THSD7B: variants seen among roughly 807,000 people sequenced by gnomAD.
THSD7B encodes thrombospondin type-1 domain-containing protein 7B.
Under a neutral mutation model 213.6 loss-of-function variants are expected in THSD7B, and 138 were observed. The observed-to-expected ratio is 0.65, with a 90% CI of 0.56 to 0.74. THSD7B has a LOEUF of 0.74. THSD7B is among the 30% of genes least tolerant of loss of function. The pLI is 0.00. For synonymous variants in THSD7B, 742 were observed against 687.0 expected, an observed-to-expected ratio of 1.08 and a Z score of -1.25; for missense variants, 1,931 against 1,991.5, an observed-to-expected ratio of 0.97 and a Z score of 0.58.
chr2:137,319,316 C>CTCT (rs1684209988), intron 12 of THSD7B, among the ~76,000 whole-genome samples: 1 of 151,428 alleles, frequency 6.6e-6, no homozygotes, highest in Non-Finnish European at 1.5e-5. Context: ...CTGTTTCCTA[C>CTCT]TCTTCTTCCA....
At chr2:137,322,560 A>G (rs528039528) in intron 12 of THSD7B, among the ~76,000 whole-genome samples, 4 of 152,210 alleles carry the variant, frequency 2.6e-5, no homozygotes, top group African/African-American at 9.6e-5. Flanking sequence ...AAGCTCATCT[A>G]TCAAGACAGT....
intron 7 of THSD7B, among the ~76,000 whole-genome samples, chr2:137,200,487 A>G (rs10165444): frequency 0.83 from 126,555 of 151,854 alleles, 53,667 homozygotes; most frequent in Middle Eastern, 0.94. Context: ...TTTTAGTAAA[A>G]TGTAACATAC....
At chr2:137,116,676 G>A (rs1392255737) in intron 5 of THSD7B, among the ~76,000 whole-genome samples, 1 of 152,114 alleles carries the variant, frequency 6.6e-6, no homozygotes, top group East Asian at 1.9e-4. Context: ...TATTCCTAAA[G>A]TTTCTTCAGG....
At chr2:136,909,335 G>A (rs1684220937) in intron 2 of THSD7B, among the ~76,000 whole-genome samples, 1 of 152,100 alleles carries the variant, frequency 6.6e-6, no homozygotes, top group African/African-American at 2.4e-5. Context: ...GGTGGAGGGT[G>A]GGAAATGAGA....
At chr2:137,649,965 G>C (rs1426942573) in intron 21 of THSD7B, among the ~76,000 whole-genome samples, 1 of 152,054 alleles carries the variant, frequency 6.6e-6, no homozygotes, top group African/African-American at 2.4e-5. Context: ...AGGCAGGTGT[G>C]GTGGTGGATG....
At chr2:136,914,355 A>G (rs866513597) in intron 2 of THSD7B, among the ~76,000 whole-genome samples, 2 of 152,176 alleles carry the variant, frequency 1.3e-5, no homozygotes, top group African/African-American at 2.4e-5. Flanking sequence ...ACATTAGACT[A>G]TGGCCTTTTG....
intron 2 of THSD7B, among the ~76,000 whole-genome samples, chr2:137,018,388 A>G (rs893275817): frequency 6.6e-6 from 1 of 152,180 alleles, no homozygotes; most frequent in African/African-American, 2.4e-5. Flanking sequence ...AGCAGGTGCA[A>G]CCAAAGAAAA....
chr2:136,835,600 G>A (rs767048924), intron 1 of THSD7B, among the ~76,000 whole-genome samples: 4 of 152,118 alleles, frequency 2.6e-5, no homozygotes, highest in Non-Finnish European at 5.9e-5. Flanking sequence ...ACACTCTGTG[G>A]GAAACCTTTT....
chr2:137,500,601 G>T (rs933197789), intron 15 of THSD7B, among the ~76,000 whole-genome samples: 1 of 152,106 alleles, frequency 6.6e-6, no homozygotes, highest in Non-Finnish European at 1.5e-5. Context: ...GTCATTTAAC[G>T]CTCTGTGAAG....
chr2:137,671,260 A>G (rs1414185955), intron 27 of THSD7B, among the ~76,000 whole-genome samples: 1 of 146,754 alleles, frequency 6.8e-6, no homozygotes, highest in Non-Finnish European at 1.5e-5. Flanking sequence ...AAAAAAAAAA[A>G]AAGCTTGTGG....
At chr2:137,322,818 G>T (rs1296958018) in intron 12 of THSD7B, among the ~76,000 whole-genome samples, 2 of 152,142 alleles carry the variant, frequency 1.3e-5, no homozygotes, top group South Asian at 2.1e-4. Flanking sequence ...GAACATCTCT[G>T]TTTGTCATAG....
intron 2 of THSD7B, among the ~76,000 whole-genome samples, chr2:136,907,393 C>A (rs115424622): frequency 1.3e-5 from 2 of 152,056 alleles, no homozygotes; most frequent in Non-Finnish European, 2.9e-5. Context: ...AAATCAATTA[C>A]AAAGGTAGAA....
intron 15 of THSD7B, among the ~76,000 whole-genome samples, chr2:137,562,348 T>TA (rs1162364266): frequency 6.6e-6 from 1 of 152,086 alleles, no homozygotes; most frequent in Non-Finnish European, 1.5e-5. Context: ...TTCTTTTTCT[T>TA]ACCTAGAAAG....
intron 7 of THSD7B, among the ~76,000 whole-genome samples, chr2:137,189,535 A>G (rs1318836308): frequency 7.2e-6 from 1 of 138,294 alleles, no homozygotes; most frequent in East Asian, 2.0e-4. Context: ...AGTCTGCTCC[A>G]TCCACAGGGT....
intron 2 of THSD7B, among the ~76,000 whole-genome samples, chr2:136,934,620 C>T (rs757217157): frequency 6.6e-6 from 1 of 152,002 alleles, no homozygotes; most frequent in Non-Finnish European, 1.5e-5. Context: ...TGAAGATAGA[C>T]AACTATCATA....
intron 2 of THSD7B, among the ~76,000 whole-genome samples, chr2:136,888,371 TTA>T (rs1683755456): frequency 6.6e-6 from 1 of 152,206 alleles, no homozygotes; most frequent in Non-Finnish European, 1.5e-5. Context: ...TAATATTTAG[TTA>T]TAGCTTAAAT....
intron 1 of THSD7B, among the ~76,000 whole-genome samples, chr2:136,767,559 T>C (rs1681426041): frequency 6.6e-6 from 1 of 152,054 alleles, no homozygotes; most frequent in African/African-American, 2.4e-5. Flanking sequence ...CATGCAAATT[T>C]AAGTGAAAAA....
chr2:137,230,956 G>T, intron 7 of THSD7B, 88 bp from the exon 8 acceptor site: 1 of 1,226,938 alleles, frequency 8.2e-7, no homozygotes, highest in Non-Finnish European at 1.1e-6. Flanking sequence ...ATCATTTTTG[G>T]GGGGGTACTT....
intron 17 of THSD7B, among the ~76,000 whole-genome samples, chr2:137,599,754 A>G (rs548297829): frequency 2.0e-5 from 3 of 152,344 alleles, no homozygotes; most frequent in South Asian, 4.1e-4. Flanking sequence ...TAGCTCGAAG[A>G]AATTCATTTT....
Sources: gnomAD v4.1 joint callset for allele counts (sites outside exome capture counted in the v4.1 genomes callset) on GRCh38, gnomAD v4.1.1 for gene constraint, MANE v1.5 for transcripts, NCBI Gene and HGNC (gene_info 2026-07-23, HGNC 2026-07-21) for gene names.